The following ACYP2 variants were observed in gnomAD, a reference collection of about 807,000 sequenced individuals.
ACYP2 encodes acylphosphatase-2.
In ACYP2, 12 loss-of-function variants were observed where a neutral mutation model predicts 11.2. That is an observed-to-expected ratio of 1.08 (90% CI 0.69 to 1.74). The LOEUF (loss-of-function observed/expected upper bound fraction) is 1.74. ACYP2 is among the 40% of genes most tolerant of loss of function. The pLI is 0.00. For missense variants in ACYP2, 134 were observed against 101.9 expected, an observed-to-expected ratio of 1.31 and a Z score of -1.35; for synonymous variants, 43 against 32.2, an observed-to-expected ratio of 1.33 and a Z score of -1.13.
intron 6 of ACYP2, among the ~76,000 whole-genome samples, chr2:54,224,458 G>A (rs79123603): frequency 0.013 from 1,975 of 152,320 alleles, 41 homozygotes; most frequent in African/African-American, 0.043. Flanking sequence ...CTCAGAATGG[G>A]GAGTGCGTGC....
intron 6 of ACYP2, chr2:54,142,702 A>G (rs1681674461): frequency 6.6e-6 from 1 of 152,164 alleles, no homozygotes; most frequent in Non-Finnish European, 1.5e-5. Context: ...CAGTCTGGGC[A>G]ATGGGAGTAG....
intron 4 of ACYP2, among the ~76,000 whole-genome samples, chr2:54,089,638 G>A (rs1678117723): frequency 6.6e-6 from 1 of 151,930 alleles, no homozygotes; most frequent in African/African-American, 2.4e-5. Context: ...TACTCAGGGG[G>A]CTGAGGTGAA....
intron 6 of ACYP2, among the ~76,000 whole-genome samples, chr2:54,207,524 A>C (rs1275902633): frequency 6.6e-6 from 1 of 152,232 alleles, no homozygotes; most frequent in Non-Finnish European, 1.5e-5. Context: ...AGCAACTTCT[A>C]GACTAAAATT....
intron 6 of ACYP2, among the ~76,000 whole-genome samples, chr2:54,282,081 A>G (rs985676507): frequency 2.0e-5 from 3 of 152,218 alleles, no homozygotes; most frequent in African/African-American, 7.2e-5. Flanking sequence ...TACCCAGAAG[A>G]CACCAGTTCT....
chr2:54,075,226 C>G (rs1451863100), intron 4 of ACYP2, among the ~76,000 whole-genome samples: 1 of 152,150 alleles, frequency 6.6e-6, no homozygotes, highest in Non-Finnish European at 1.5e-5. Flanking sequence ...AGGCCAGGAA[C>G]AGTGGCTCAT....
chr2:54,186,214 G>A (rs958803613), intron 6 of ACYP2, among the ~76,000 whole-genome samples: 5 of 152,084 alleles, frequency 3.3e-5, no homozygotes, highest in African/African-American at 1.2e-4. Context: ...GCTTTAAAAT[G>A]TTGAATTTTA....
intron 2 of ACYP2, chr2:54,029,823 G>T (rs1476195031): frequency 3.9e-6 from 2 of 510,802 alleles, no homozygotes; most frequent in Non-Finnish European, 7.3e-6. Flanking sequence ...TATTTGAACA[G>T]TGCCCACTCC....
intron 6 of ACYP2, among the ~76,000 whole-genome samples, chr2:54,153,860 A>G (rs1682313571): frequency 6.6e-6 from 1 of 152,100 alleles, no homozygotes; most frequent in Non-Finnish European, 1.5e-5. Context: ...TCGGCCTCCC[A>G]AAGTGCTGGG....
chr2:54,293,603 A>G (rs1689401191), intron 6 of ACYP2, among the ~76,000 whole-genome samples: 1 of 152,238 alleles, frequency 6.6e-6, no homozygotes. Context: ...GCTGTCTACC[A>G]TCTTTGGCAA....
intron 6 of ACYP2, among the ~76,000 whole-genome samples, chr2:54,213,398 CAT>C (rs1366957979): frequency 2.0e-5 from 3 of 152,058 alleles, no homozygotes; most frequent in Non-Finnish European, 2.9e-5. Flanking sequence ...CTGTGATAAA[CAT>C]ATACGTGCAC....
At chr2:54,136,530 T>C (rs937957579) in intron 5 of ACYP2, among the ~76,000 whole-genome samples, 169 of 152,152 alleles carry the variant, frequency 1.1e-3, no homozygotes, top group Non-Finnish European at 5.3e-4. Context: ...TTTTCGTTAT[T>C]ATCTAATAAG....
At chr2:54,274,486 A>G (rs1269054561) in intron 6 of ACYP2, among the ~76,000 whole-genome samples, 1 of 152,006 alleles carries the variant, frequency 6.6e-6, no homozygotes, top group East Asian at 1.9e-4. Context: ...AAAATAAAAT[A>G]AAAAATTAAC....
rs1353435497 is a variant in ACYP2 at position 54,168,383 on chromosome 2, G to A, written c.404+29635G>A. On this transcript the variant is annotated intron_variant, in intron 6 of 6. Transcript: ENST00000607452. The stretch of plus-strand genomic sequence containing the variant: ...AGAGGTTGCAGTGAGCAGAGATCAC[G>A]ACATTGCACTCCAGCCTGGGCCACA... Among the ~76,000 whole-genome samples, 4 of 152,188 alleles carry A rather than the reference G, an allele frequency of 2.6e-5. No individual in the cohort carries two copies. In the South Asian group the frequency reaches 6.2e-4, roughly 24 times the overall value.
At position 54,274,625 on chromosome 2, in the gene ACYP2, C is replaced by CAAAAA. The variant is rs70944155; in HGVS notation, c.405-30039_405-30035dup. ...TGGGTGACAGAGCAAGACTCCATCT[C>CAAAAA]AAAAAAAAAAAAAAAAAAAAAAAAA... On this transcript the variant is annotated intron_variant, in intron 6 of 6. Transcript: ENST00000607452. Among the ~76,000 whole-genome samples, 29 of 37,682 alleles carry CAAAAA rather than the reference C, an allele frequency of 7.7e-4. 3 individuals are homozygous for CAAAAA. The highest frequency in any genetic ancestry group is 3.2e-3 in the African/African-American group (26 of 8,242). 24.7% of individuals were successfully genotyped at this position (37,682 alleles called of 152,430 possible).
chr2:54,289,987 C>T (rs1689230446), intron 6 of ACYP2, among the ~76,000 whole-genome samples: 1 of 152,052 alleles, frequency 6.6e-6, no homozygotes, highest in African/African-American at 2.4e-5. Context: ...TCTGCTTTTC[C>T]ATCTAGCACA....
Position 54,081,716 on chromosome 2 carries a change from G to T in ACYP2, c.277+24356G>T, listed in dbSNP as rs145225730. 2.0e-5 allele frequency among the ~76,000 whole-genome samples: 3 copies of T among 152,298 alleles called. No individual in the cohort carries two copies. In the South Asian group the frequency reaches 6.2e-4, roughly 32 times the overall value. On this transcript the variant is annotated intron_variant, in intron 4 of 6. Coordinates refer to ENST00000607452, the MANE Select transcript of ACYP2 (RefSeq NM_001320586.2). Reference sequence around the variant, plus strand: ...GAGAGAGATTTTTTGTTTTCATTAGGTATCTGCTTTTGCTTTTACATGTCT... The same window carrying T: ...GAGAGAGATTTTTTGTTTTCATTAGTTATCTGCTTTTGCTTTTACATGTCT...
chr2:54,231,043 C>T (rs1367402364), intron 6 of ACYP2, among the ~76,000 whole-genome samples: 3 of 151,986 alleles, frequency 2.0e-5, no homozygotes, highest in Non-Finnish European at 4.4e-5. Context: ...GTTGACCAGG[C>T]TGGTCTTAAA....
At chr2:54,242,029 T>C (rs1204245988) in intron 6 of ACYP2, among the ~76,000 whole-genome samples, 1 of 152,036 alleles carries the variant, frequency 6.6e-6, no homozygotes, top group Non-Finnish European at 1.5e-5. Flanking sequence ...AGAAAAAAAT[T>C]CAGCTGAAAT....
chr2:54,056,492 T>C (rs1676160208), intron 3 of ACYP2, among the ~76,000 whole-genome samples: 1 of 152,196 alleles, frequency 6.6e-6, no homozygotes, highest in African/African-American at 2.4e-5. Context: ...TTTTTAAAGA[T>C]ATTTTTGCTC....
Sources: allele counts gnomAD v4.1 joint callset (sites outside exome capture counted in the v4.1 genomes callset), GRCh38; gene constraint gnomAD v4.1.1; transcripts MANE v1.5; gene names NCBI Gene and HGNC (gene_info 2026-07-23, HGNC 2026-07-21).